MYO1D: variants seen among roughly 807,000 people sequenced by gnomAD.
MYO1D encodes myosin ID.
Under a neutral mutation model 122.0 loss-of-function variants are expected in MYO1D, and 83 were observed. That is an observed-to-expected ratio of 0.68 (90% CI 0.57 to 0.82). MYO1D has a LOEUF of 0.82. Ranked by LOEUF, MYO1D falls within the 40% of genes least tolerant of loss-of-function variation. The pLI, the probability that MYO1D is intolerant of heterozygous loss-of-function variation, is 0.00. For synonymous variants in MYO1D, 464 were observed against 446.9 expected, an observed-to-expected ratio of 1.04 and a Z score of -0.48; for missense variants, 1,157 against 1,269.5, an observed-to-expected ratio of 0.91 and a Z score of 1.35.
At chr17:32,533,954 A>C (rs887261053) in intron 21 of MYO1D, among the ~76,000 whole-genome samples, 2 of 152,258 alleles carry the variant, frequency 1.3e-5, no homozygotes, top group African/African-American at 2.4e-5. Flanking sequence ...TTTTCTGTTA[A>C]TAGGAAATTA....
chr17:32,822,460 G>T (rs1393165130), intron 1 of MYO1D, among the ~76,000 whole-genome samples: 1 of 151,444 alleles, frequency 6.6e-6, no homozygotes, highest in African/African-American at 2.4e-5. Flanking sequence ...CGCCGACCAC[G>T]GGCAGTGGTG....
intron 12 of MYO1D, among the ~76,000 whole-genome samples, 191 bp downstream of exon 12, chr17:32,748,745 C>A (rs192325415): frequency 1.3e-5 from 2 of 152,248 alleles, no homozygotes; most frequent in East Asian, 3.9e-4. Flanking sequence ...AGTGTGTGCT[C>A]AATAAATGGT....
chr17:32,681,287 C>T (rs1272769291), intron 16 of MYO1D, among the ~76,000 whole-genome samples: 4 of 147,562 alleles, frequency 2.7e-5, no homozygotes, highest in Non-Finnish European at 6.0e-5. Context: ...TTCTTGCCTT[C>T]TGCTAGCTTT....
At chr17:32,627,003 T>C (rs762731881) in intron 20 of MYO1D, among the ~76,000 whole-genome samples, 3 of 152,294 alleles carry the variant, frequency 2.0e-5, no homozygotes, top group Middle Eastern at 3.4e-3. Context: ...AATATAGACA[T>C]TACTTTTTTT....
intron 21 of MYO1D, among the ~76,000 whole-genome samples, chr17:32,591,842 T>C (rs1385820155): frequency 6.6e-6 from 1 of 152,108 alleles, no homozygotes; most frequent in Non-Finnish European, 1.5e-5. Context: ...GAGGGTCTGA[T>C]TTAGAGGGCC....
intron 19 of MYO1D, among the ~76,000 whole-genome samples, chr17:32,649,802 C>T (rs1482290719): frequency 1.3e-5 from 2 of 152,020 alleles, no homozygotes; most frequent in African/African-American, 4.8e-5. Flanking sequence ...AAACTCCTGG[C>T]CTCAAGTGAT....
chr17:32,753,085 A>G (rs1322111179), intron 11 of MYO1D, among the ~76,000 whole-genome samples: 1 of 152,234 alleles, frequency 6.6e-6, no homozygotes, highest in Non-Finnish European at 1.5e-5. Flanking sequence ...ATGGAATACT[A>G]TGCAGCCATA....
rs1355819108 is a variant in MYO1D at position 32,764,865 on chromosome 17, G to A, written c.1035+13C>T. ...ATCAACACCAGGTGACATAGGGTCA[G>A]TTACACTCTCACCTTGGCAAAGGCG... On this transcript the variant is annotated intron_variant, in intron 8 of 21. Coordinates refer to ENST00000318217, the MANE Select transcript of MYO1D (RefSeq NM_015194.3). 2 of 1,613,458 alleles carry A rather than the reference G, an allele frequency of 1.2e-6. No individual in the cohort carries two copies. The highest frequency in any genetic ancestry group is 1.7e-6 in the Non-Finnish European group (2 of 1,179,882).
intron 14 of MYO1D, among the ~76,000 whole-genome samples, chr17:32,725,949 T>C (rs1485851880): frequency 2.0e-5 from 3 of 152,320 alleles, no homozygotes; most frequent in Non-Finnish European, 2.9e-5. Context: ...AACACTATCT[T>C]TGAAGTGCCA....
At chr17:32,817,667 G>C (rs945641657) in intron 1 of MYO1D, among the ~76,000 whole-genome samples, 1 of 151,994 alleles carries the variant, frequency 6.6e-6, no homozygotes, top group African/African-American at 2.4e-5. Flanking sequence ...TCTCTAAACT[G>C]TTTTCAAGTA....
chr17:32,745,820 T>C (rs185454931), intron 12 of MYO1D: 2 of 153,164 alleles, frequency 1.3e-5, no homozygotes, highest in Admixed American at 6.5e-5. Context: ...AGGAGGCCAG[T>C]ATAGATGGTT....
chr17:32,760,549 T>C lies in MYO1D; in HGVS notation c.1114A>G (p.Ile372Val), dbSNP rs2089990489. ...CCAATAACAGTGTTTTTCCCATGGA[T>C]TGTGGTGTCATAGTTCTTGACCTCA... ...IIEVKNYDTT[I>V]HGKNTVIGVL... Residue 372 changes from isoleucine to valine, a missense_variant, in exon 9 of 22, where the codon ATC (isoleucine) becomes GTC (valine). Ile to Val is a conservative substitution (Grantham distance 29, BLOSUM62 3). Transcript: ENST00000318217. 8 of 1,613,832 alleles carry C rather than the reference T, an allele frequency of 5.0e-6. 1 individual carries two copies. Among genetic ancestry groups the C allele is most frequent in the Middle Eastern group, 1.6e-4 (1 of 6,082 alleles).
intron 3 of MYO1D, among the ~76,000 whole-genome samples, chr17:32,777,408 T>C (rs1250506642): frequency 1.2e-5 from 1 of 81,394 alleles, no homozygotes; most frequent in East Asian, 3.3e-4. Flanking sequence ...TTTACTAAAT[T>C]AGTACTGAGC....
At chr17:32,519,904 A>ATTTT (rs1567875123) in intron 21 of MYO1D, among the ~76,000 whole-genome samples, 13,322 of 132,338 alleles carry the variant, frequency 0.1, 1,062 homozygotes, top group East Asian at 0.44. Flanking sequence ...TTTTTTTTAA[A>ATTTT]AAAAAAAACC....
chr17:32,853,743 T>G (rs929101992), intron 1 of MYO1D, among the ~76,000 whole-genome samples: 1 of 152,238 alleles, frequency 6.6e-6, no homozygotes, highest in South Asian at 2.1e-4. Context: ...AAGTACATGA[T>G]GGATTAACAA....
chr17:32,631,389 C>T (rs1012322809), intron 20 of MYO1D, among the ~76,000 whole-genome samples: 2 of 152,154 alleles, frequency 1.3e-5, no homozygotes, highest in Non-Finnish European at 2.9e-5. Flanking sequence ...GCCTGTAATT[C>T]CAGCACTTTG....
At chr17:32,537,492 A>G (rs919494542) in intron 21 of MYO1D, among the ~76,000 whole-genome samples, 1 of 152,216 alleles carries the variant, frequency 6.6e-6, no homozygotes, top group African/African-American at 2.4e-5. Context: ...TTTAGATGAT[A>G]AGGAATTGAA....
At position 32,575,975 on chromosome 17, in the gene MYO1D, G is replaced by T. The variant is rs550196582; in HGVS notation, c.2864+29112C>A. 2.0e-5 allele frequency among the ~76,000 whole-genome samples: 3 copies of T among 152,308 alleles called. 1 individual carries two copies. In the South Asian group the frequency reaches 6.2e-4, roughly 32 times the overall value. ...CAATCAATGCCCTCATCTAAGAGAT[G>T]TGACAACAGTGAAGATGCAAAACCA... On this transcript the variant is annotated intron_variant, in intron 21 of 21. Coordinates refer to ENST00000318217, the MANE Select transcript of MYO1D (RefSeq NM_015194.3).
At chr17:32,667,628 G>C (rs1201960976) in intron 16 of MYO1D, among the ~76,000 whole-genome samples, 1 of 152,190 alleles carries the variant, frequency 6.6e-6, no homozygotes, top group Non-Finnish European at 1.5e-5. Context: ...AAGCCGTCCT[G>C]ATGAACTTAA....
Sources: gnomAD v4.1 joint callset for allele counts (sites outside exome capture counted in the v4.1 genomes callset) on GRCh38, gnomAD v4.1.1 for gene constraint, MANE v1.5 for transcripts, NCBI Gene and HGNC (gene_info 2026-07-23, HGNC 2026-07-21) for gene names.